TBCK: variants seen among roughly 807,000 people sequenced by gnomAD.
TBCK encodes the protein TBC domain-containing protein kinase-like protein.
Under a neutral mutation model 113.4 loss-of-function variants are expected in TBCK, and 99 were observed. The ratio of observed to expected loss-of-function variants is 0.87; its 90% CI spans 0.74 to 1.03. The LOEUF is 1.03. Ranked by LOEUF, TBCK falls within the 50% of genes least tolerant of loss-of-function variation. TBCK has a pLI of 0.00. For missense variants in TBCK, 1,045 were observed against 1,061.3 expected (o/e 0.98, Z 0.21); for synonymous variants, 369 against 370.8 (o/e 1.00, Z 0.05).
chr4:106,246,236 C>T (rs572062958), intron 10 of TBCK, among the ~76,000 whole-genome samples: 40 of 152,182 alleles, frequency 2.6e-4, no homozygotes, highest in African/African-American at 8.9e-4. Flanking sequence ...TCTGCCTTCC[C>T]ATTTGGCATG....
At chr4:106,077,328 C>A (rs767684825) in intron 25 of TBCK, among the ~76,000 whole-genome samples, 168 of 152,216 alleles carry the variant, frequency 1.1e-3, no homozygotes, top group Non-Finnish European at 2.2e-3. Flanking sequence ...GCAATATCGA[C>A]CATGAATGTA....
intron 24 of TBCK, among the ~76,000 whole-genome samples, chr4:106,104,217 G>A (rs188478041): frequency 6.6e-6 from 1 of 152,302 alleles, no homozygotes; most frequent in Non-Finnish European, 1.5e-5. Context: ...CCAGAAGGCT[G>A]AGTAGCAACA....
chr4:106,276,109 T>C (rs1764000037), intron 3 of TBCK, among the ~76,000 whole-genome samples: 1 of 152,070 alleles, frequency 6.6e-6, no homozygotes, highest in Admixed American at 6.5e-5. Context: ...CAGACACAGA[T>C]CTATACTTAT....
chr4:106,153,371 T>C (rs1343536142), intron 23 of TBCK, among the ~76,000 whole-genome samples: 1 of 152,100 alleles, frequency 6.6e-6, no homozygotes, highest in African/African-American at 2.4e-5. Flanking sequence ...TAAATTTCTC[T>C]TGTAATTGAT....
rs776306988 is a variant in TBCK, at chr4:106,295,159, T to C, written c.201A>G (p.Leu67=). Reference sequence around the variant, plus strand: ...GTTCACAATGTTCAGCCACGACCACTAGTCGTTCTGAGAAAAACAAAGCAA... The same window carrying C: ...GTTCACAATGTTCAGCCACGACCACCAGTCGTTCTGAGAAAAACAAAGCAA... The part of the protein sequence containing the change: ...VDISRGKHER[L]VVVAEHCERS... The change falls in exon 3 of 26, where the codon CTA becomes CTG. Residue 67 remains leucine, a synonymous_variant. Coordinates refer to ENST00000394708, the MANE Select transcript of TBCK (RefSeq NM_001163435.3). 2.5e-6 allele frequency: 4 copies of C among 1,610,570 alleles called. No individual in the cohort carries two copies. Among genetic ancestry groups the C allele is most frequent in the Non-Finnish European group, 2.5e-6 (3 of 1,178,972 alleles).
intron 25 of TBCK, among the ~76,000 whole-genome samples, chr4:106,090,322 T>A (rs1740068590): frequency 6.6e-6 from 1 of 152,198 alleles, no homozygotes; most frequent in African/African-American, 2.4e-5. Flanking sequence ...AGCACTGTCC[T>A]GAGGCTGTGC....
intron 24 of TBCK, among the ~76,000 whole-genome samples, chr4:106,100,352 G>A (rs1430775597): frequency 6.6e-6 from 1 of 151,300 alleles, no homozygotes; most frequent in Non-Finnish European, 1.5e-5. Flanking sequence ...ATATGCTAAG[G>A]TGCCTTCTGG....
At chr4:106,160,254 G>A (rs1356251615) in intron 23 of TBCK, among the ~76,000 whole-genome samples, 4 of 151,886 alleles carry the variant, frequency 2.6e-5, no homozygotes, top group Non-Finnish European at 5.9e-5. Context: ...AGCCCTAGGT[G>A]ACAGAGAAAA....
rs1767852982 is a variant in TBCK at position 106,308,941 on chromosome 4, G to T, written c.20C>A (p.Ala7Asp). 2 of 1,613,856 alleles carry T rather than the reference G, an allele frequency of 1.2e-6. No individual in the cohort carries two copies. Among genetic ancestry groups the T allele is most frequent in the Admixed American group, 3.3e-5 (2 of 59,980 alleles). The change falls in exon 2 of 26, where the codon GCT (alanine) becomes GAT (aspartate). Residue 7 changes from alanine (A) to aspartate (D), a missense_variant. By Grantham distance (126) the Ala-to-Asp change is moderately radical. Transcript: ENST00000394708. MFPLKD[A>D]EMGAFTFFAS... ...AAAGAAGGTAAAGGCTCCCATTTCAGCGTCCTTCAGGGGAAACATTTTTGG... is the reference window on the plus strand; with the variant it reads ...AAAGAAGGTAAAGGCTCCCATTTCATCGTCCTTCAGGGGAAACATTTTTGG...
rs1384105931 is a variant in TBCK, at chr4:106,167,125, T to C, written c.2235+3970A>G. Among the ~76,000 whole-genome samples, 4 of 145,098 alleles carry C rather than the reference T, an allele frequency of 2.8e-5. No individual in the cohort carries two copies. In the East Asian group the frequency reaches 8.3e-4, roughly 30 times the overall value. ...GTGTATTATATACACACTGTATATA[T>C]ATATATAGAGAGAGAGAGAGAGAAC... On this transcript the variant is annotated intron_variant, in intron 23 of 25. Coordinates refer to ENST00000394708, the MANE Select transcript of TBCK (RefSeq NM_001163435.3).
chr4:106,137,593 C>T (rs1489872862), intron 23 of TBCK, among the ~76,000 whole-genome samples: 1 of 140,522 alleles, frequency 7.1e-6, no homozygotes, highest in Non-Finnish European at 1.6e-5. Context: ...TTTCATTTCT[C>T]CCTCTTAGTT....
intron 20 of TBCK, among the ~76,000 whole-genome samples, chr4:106,206,301 A>G (rs1373961168): frequency 6.6e-6 from 1 of 152,238 alleles, no homozygotes; most frequent in African/African-American, 2.4e-5. Context: ...TTGTGTGTAT[A>G]GTTTTTTGGC....
chr4:106,118,819 A>T (rs1435854653), intron 23 of TBCK, among the ~76,000 whole-genome samples: 1 of 152,200 alleles, frequency 6.6e-6, no homozygotes, highest in Non-Finnish European at 1.5e-5. Context: ...CAAATGTATC[A>T]TATGGGAGGA....
At chr4:106,301,268 A>G (rs1766913298) in intron 2 of TBCK, among the ~76,000 whole-genome samples, 1 of 150,812 alleles carries the variant, frequency 6.6e-6, no homozygotes, top group Non-Finnish European at 1.5e-5. Context: ...GTAGTTCCAT[A>G]TAATTCTATT....
chr4:106,252,335 C>T (rs554965851), intron 5 of TBCK, among the ~76,000 whole-genome samples: 5 of 152,026 alleles, frequency 3.3e-5, no homozygotes, highest in South Asian at 4.2e-4. Flanking sequence ...CTTCCCTTAA[C>T]GCTGAATTAA....
At chr4:106,051,524 G>C (rs1039163425) in intron 25 of TBCK, among the ~76,000 whole-genome samples, 2 of 151,860 alleles carry the variant, frequency 1.3e-5, no homozygotes, top group Non-Finnish European at 2.9e-5. Flanking sequence ...CCTATAATAA[G>C]CAGCTGTAGT....
chr4:106,291,014 A>C (rs529000655), intron 3 of TBCK, among the ~76,000 whole-genome samples: 2 of 152,150 alleles, frequency 1.3e-5, no homozygotes, highest in Non-Finnish European at 2.9e-5. Flanking sequence ...GACCATAATA[A>C]ATCAATTACT....
In TBCK at chr4:106,245,895, T is replaced by C. The variant is rs368632302; in HGVS notation, c.932-1131A>G. 3.9e-5 allele frequency among the ~76,000 whole-genome samples: 6 copies of C among 152,060 alleles called. No individual in the cohort carries two copies. In the East Asian group the frequency reaches 1.2e-3, roughly 29 times the overall value. On this transcript the variant is annotated intron_variant, in intron 10 of 25. Coordinates refer to ENST00000394708, the MANE Select transcript of TBCK (RefSeq NM_001163435.3). The stretch of plus-strand genomic sequence containing the variant: ...TCCAGCACTTTCATTTAGATCCCAT[T>C]AGCCAACTCTAGTTCACAAGCTTAC...
chr4:106,162,134 A>G (rs1241981658), intron 23 of TBCK, among the ~76,000 whole-genome samples: 6 of 152,102 alleles, frequency 3.9e-5, no homozygotes, highest in Non-Finnish European at 8.8e-5. Flanking sequence ...CAATTGGGAG[A>G]AATTGGCCAA....
Sources: allele counts gnomAD v4.1 joint callset (sites outside exome capture counted in the v4.1 genomes callset), GRCh38; gene constraint gnomAD v4.1.1; transcripts MANE v1.5; gene names NCBI Gene and HGNC (gene_info 2026-07-23, HGNC 2026-07-21).